Variants in RABEP1 observed in about 807,000 individuals in gnomAD.
RABEP1 encodes rabaptin, RAB GTPase binding effector protein 1.
Under a neutral mutation model 123.4 loss-of-function variants are expected in RABEP1, and 51 were observed. The ratio of observed to expected loss-of-function variants is 0.41; its 90% confidence interval spans 0.33 to 0.52. RABEP1 has a LOEUF of 0.52. Among genes scored for constraint, RABEP1 ranks in the 20% least tolerant of loss-of-function variants. RABEP1 has a pLI of 0.16. For synonymous variants in RABEP1, 347 were observed against 355.2 expected (o/e 0.98, Z 0.26); for missense variants, 888 against 996.3 (o/e 0.89, Z 1.46).
intron 2 of RABEP1, 61 bp downstream of exon 2, chr17:5,308,883 TTGG>T (rs2075207781): frequency 7.0e-7 from 1 of 1,422,010 alleles, no homozygotes. Flanking sequence ...GTTGAGTTTC[TTGG>T]TAGTAGTGTT....
intron 1 of RABEP1, among the ~76,000 whole-genome samples, chr17:5,297,301 A>G (rs1567866616): frequency 6.6e-6 from 1 of 152,240 alleles, no homozygotes; most frequent in Non-Finnish European, 1.5e-5. Flanking sequence ...ACCTAACAGC[A>G]TAATGCCTTT....
intron 2 of RABEP1, among the ~76,000 whole-genome samples, chr17:5,325,400 C>T (rs1173854350): frequency 6.6e-6 from 1 of 151,862 alleles, no homozygotes; most frequent in Non-Finnish European, 1.5e-5. Flanking sequence ...AACTGGAAGT[C>T]ATTATGTTAA....
Position 5,299,719 on chromosome 17 carries a change from C to CTTTTCTTTTTTTTT in RABEP1, c.35-8971_35-8970insCTTTTTTTTTTTTT, listed in dbSNP as rs2075116264. 9.1e-5 allele frequency among the ~76,000 whole-genome samples: 9 copies of CTTTTCTTTTTTTTT among 98,852 alleles called. No individual in the cohort carries two copies. In the East Asian group the frequency reaches 2.1e-3, roughly 23 times the overall value. The allele number at this position is 98,852 out of a possible 152,430, so 64.9% of individuals were successfully genotyped here. A position where few individuals can be genotyped will look rare whatever the true frequency, so the allele number is the denominator to read the frequency against. Reference sequence around the variant, plus strand: ...TCATTTCTTTTTCTTTTTTTCTTTTCTTTTTCTTTTTCTTTTTTTTTTTTT... The same window carrying CTTTTCTTTTTTTTT: ...TCATTTCTTTTTCTTTTTTTCTTTTCTTTTCTTTTTTTTTTTTTTCTTTTTCTTTTTTTTTTTTT... On this transcript the variant is annotated intron_variant, in intron 1 of 17. Coordinates refer to ENST00000537505, the MANE Select transcript of RABEP1 (RefSeq NM_004703.6).
chr17:5,349,819 C>T (rs558592521), intron 6 of RABEP1, among the ~76,000 whole-genome samples: 1 of 152,184 alleles, frequency 6.6e-6, no homozygotes, highest in African/African-American at 2.4e-5. Flanking sequence ...CAAAGTCCTG[C>T]AGTAAAGAAA....
chr17:5,375,099 CTTTT>C lies in RABEP1; in HGVS notation c.2025+1659_2025+1662del, dbSNP rs529411322. Among the ~76,000 whole-genome samples the C allele has an allele frequency of 4.0e-5, 5 of 125,842 alleles. No homozygotes were observed. The South Asian group carries it at 7.8e-4, about 20-fold the overall frequency. The allele number at this position is 125,842 out of a possible 152,430, so 82.6% of individuals were successfully genotyped here. On this transcript the variant is annotated intron_variant, in intron 13 of 17. Coordinates refer to ENST00000537505, the MANE Select transcript of RABEP1 (RefSeq NM_004703.6). Reference sequence around the variant, plus strand: ...TCCTATCCAATCTTTATACCTGTTTCTTTTTTTTTTTTTTTTTCCTTTTTAAGGA... The same window carrying C: ...TCCTATCCAATCTTTATACCTGTTTCTTTTTTTTTTTTTCCTTTTTAAGGA...
chr17:5,337,946 A>C, intron 4 of RABEP1, 73 bp from the exon 5 acceptor site: 1 of 1,464,554 alleles, frequency 6.8e-7, no homozygotes, highest in Non-Finnish European at 9.1e-7. Context: ...ATTTTTAGCA[A>C]ATGGAAGGGT....
In RABEP1 at chr17:5,381,623, C is replaced by T. The variant is rs563041565; in HGVS notation, c.2487+118C>T. 5.9e-5 allele frequency: 85 copies of T among 1,437,540 alleles called. No homozygotes were observed. In the East Asian group the frequency reaches 1.7e-3, roughly 29 times the overall value. 89.0% of individuals were successfully genotyped at this position (1,437,540 alleles called of 1,614,324 possible). ...GAGGTTTAGAGACTGGCTGCTCCTA[C>T]CTCCACCCCAAATGTCTGACTCATC... On this transcript the variant is annotated intron_variant, in intron 17 of 17. Coordinates refer to ENST00000537505, the MANE Select transcript of RABEP1 (RefSeq NM_004703.6).
intron 1 of RABEP1, among the ~76,000 whole-genome samples, chr17:5,286,618 G>T (rs905270589): frequency 1.3e-5 from 2 of 152,140 alleles, no homozygotes; most frequent in African/African-American, 4.8e-5. Flanking sequence ...TTCCCAGGTA[G>T]TGAATCATTC....
chr17:5,330,232 C>G (rs771760613), intron 2 of RABEP1, among the ~76,000 whole-genome samples: 33 of 152,192 alleles, frequency 2.2e-4, no homozygotes, highest in Non-Finnish European at 4.7e-4. Context: ...CCTACCACAA[C>G]TTCCCAGGTG....
intron 3 of RABEP1, 34 bp from the exon 4 acceptor site, chr17:5,335,150 G>A: frequency 6.5e-7 from 1 of 1,533,950 alleles, no homozygotes; most frequent in Non-Finnish European, 8.8e-7. Context: ...TTTTCATAAT[G>A]CTTAGATGTG....
chr17:5,367,948 G>A (rs1242628458), intron 11 of RABEP1, among the ~76,000 whole-genome samples: 1 of 150,782 alleles, frequency 6.6e-6, no homozygotes, highest in African/African-American at 2.4e-5. Flanking sequence ...GTAGAGATGG[G>A]GTTTTACCAT....
chr17:5,375,538 CA>C (rs978337515), intron 13 of RABEP1, among the ~76,000 whole-genome samples: 4 of 151,598 alleles, frequency 2.6e-5, no homozygotes, highest in East Asian at 1.9e-4. Context: ...CTGAAACAAA[CA>C]AAAAAAATTA....
At chr17:5,297,358 T>G (rs2144484397) in intron 1 of RABEP1, among the ~76,000 whole-genome samples, 1 of 152,318 alleles carries the variant, frequency 6.6e-6, no homozygotes, top group East Asian at 1.9e-4. Flanking sequence ...GCTTACAGAT[T>G]TCAACGTATA....
intron 1 of RABEP1, among the ~76,000 whole-genome samples, chr17:5,299,708 T>TTTC (rs2075115599): frequency 7.2e-6 from 1 of 139,030 alleles, no homozygotes; most frequent in Non-Finnish European, 1.5e-5. Context: ...TTCTTTTTCT[T>TTTC]TTTTTCTTTT....
At chr17:5,302,556 A>G (rs2075145264) in intron 1 of RABEP1, among the ~76,000 whole-genome samples, 1 of 149,928 alleles carries the variant, frequency 6.7e-6, no homozygotes, top group Non-Finnish European at 1.5e-5. Flanking sequence ...ACCTTAGTCT[A>G]TAAAGTTACC....
rs1911897280 is a variant in RABEP1, at chr17:5,385,673, G to C, written c.*2450G>C. The C allele has an allele frequency of 4.3e-6, 1 of 231,144 alleles. No homozygotes were observed. The highest frequency in any genetic ancestry group is 8.6e-6 in the Non-Finnish European group (1 of 116,886). The allele number at this position is 231,144 out of a possible 1,614,324, so 14.3% of individuals were successfully genotyped here. On this transcript the variant is annotated 3_prime_UTR_variant, in exon 18 of 18. Transcript: ENST00000537505. Reference sequence around the variant, plus strand: ...GAAAGGTAATACAGCTTGTGAGGAAGTGAGCCAGCAGTGGCCTTTGCAATT... The same window carrying C: ...GAAAGGTAATACAGCTTGTGAGGAACTGAGCCAGCAGTGGCCTTTGCAATT...
intron 11 of RABEP1, among the ~76,000 whole-genome samples, chr17:5,365,679 C>T (rs1909947174): frequency 6.6e-6 from 1 of 152,210 alleles, no homozygotes. Context: ...GAAGCCCTCA[C>T]TTTCCCCGCA....
chr17:5,374,303 C>T (rs1968058), intron 13 of RABEP1, among the ~76,000 whole-genome samples: 2 of 151,650 alleles, frequency 1.3e-5, no homozygotes, highest in Admixed American at 6.6e-5. Context: ...CCTGACCTCA[C>T]GTGAGCCACC....
intron 5 of RABEP1, among the ~76,000 whole-genome samples, chr17:5,342,536 G>GC (rs767587826): frequency 1.1e-3 from 165 of 152,320 alleles, no homozygotes; most frequent in Non-Finnish European, 1.8e-3. Context: ...CTCTCAGGAG[G>GC]CAGAGGTTGC....
Sources: allele counts gnomAD v4.1 joint callset (sites outside exome capture counted in the v4.1 genomes callset), GRCh38; gene constraint gnomAD v4.1.1; transcripts MANE v1.5; gene names NCBI Gene and HGNC (gene_info 2026-07-23, HGNC 2026-07-21).